GARIN5A: variants seen among roughly 807,000 people sequenced by gnomAD.
The protein encoded by GARIN5A is Golgi-associated RAB2 interactor protein 5A.
the GARIN5A span, among the ~76,000 whole-genome samples, chr19:50,469,553 CTCAGT>C: frequency 6.6e-6 from 1 of 152,168 alleles, no homozygotes; most frequent in Admixed American, 6.5e-5. Context: ...GTGGCAGGTG[CTCAGT>C]GGATGCTTCA....
chr19:50,475,788 G>T, the GARIN5A span: 1 of 1,405,820 alleles, frequency 7.1e-7, no homozygotes, highest in Non-Finnish European at 1.0e-6. Flanking sequence ...AGGAGGTCGA[G>T]GGGCAGGCCG....
chr19:50,472,576 C>G, the GARIN5A span, among the ~76,000 whole-genome samples: 2 of 152,018 alleles, frequency 1.3e-5, no homozygotes, highest in African/African-American at 4.8e-5. Flanking sequence ...GTGATGAGAT[C>G]AATTGGTGAA....
chr19:50,476,473 G>A, the GARIN5A span: 6 of 1,576,370 alleles, frequency 3.8e-6, no homozygotes, highest in Non-Finnish European at 5.1e-6. Flanking sequence ...GTCAGGATGC[G>A]GCCTGTTCCT....
chr19:50,475,933 G>A, the GARIN5A span: 2 of 1,612,918 alleles, frequency 1.2e-6, no homozygotes, highest in Admixed American at 3.3e-5. Flanking sequence ...CGTGGGAGAG[G>A]CTGCAACCAG....
the GARIN5A span, among the ~76,000 whole-genome samples, chr19:50,470,298 G>C: frequency 6.6e-6 from 1 of 152,198 alleles, no homozygotes; most frequent in Non-Finnish European, 1.5e-5. Context: ...CGGATCACCT[G>C]AAGTCAGGAG....
chr19:50,472,918 C>T, the GARIN5A span, among the ~76,000 whole-genome samples: 1 of 152,120 alleles, frequency 6.6e-6, no homozygotes, highest in African/African-American at 2.4e-5. Flanking sequence ...CACAGTGGCT[C>T]ATGCCTGTAA....
the GARIN5A span, among the ~76,000 whole-genome samples, chr19:50,471,864 G>A: frequency 6.6e-6 from 1 of 151,700 alleles, no homozygotes; most frequent in East Asian, 1.9e-4. Context: ...ACATACATGT[G>A]TATATGTATG....
the GARIN5A span, chr19:50,475,226 T>C: frequency 2.1e-6 from 3 of 1,455,694 alleles, no homozygotes; most frequent in Non-Finnish European, 2.7e-6. Flanking sequence ...TGCCAGCTCC[T>C]GGCCCTGGGG....
the GARIN5A span, among the ~76,000 whole-genome samples, chr19:50,472,004 G>A: frequency 2.0e-4 from 30 of 149,166 alleles, no homozygotes; most frequent in Non-Finnish European, 3.0e-4. Flanking sequence ...ATACGTGTAT[G>A]TATATATACG....
At chr19:50,467,959 T>A in the GARIN5A span, 2 of 761,214 alleles carry the variant, frequency 2.6e-6, no homozygotes, top group Non-Finnish European at 2.2e-6. Context: ...CATTGCCTCT[T>A]GAACTTGAGT....
At chr19:50,468,185 A>G in the GARIN5A span, among the ~76,000 whole-genome samples, 1 of 151,838 alleles carries the variant, frequency 6.6e-6, no homozygotes, top group Non-Finnish European at 1.5e-5. Flanking sequence ...ACATGGTGGA[A>G]CCCCATCTCT....
the GARIN5A span, chr19:50,476,527 T>A: frequency 6.4e-7 from 1 of 1,570,260 alleles, no homozygotes; most frequent in Non-Finnish European, 8.6e-7. Flanking sequence ...GTCCCTTCGC[T>A]GGTGGGAAGA....
At chr19:50,469,485 T>A in the GARIN5A span, among the ~76,000 whole-genome samples, 1 of 151,890 alleles carries the variant, frequency 6.6e-6, no homozygotes, top group Non-Finnish European at 1.5e-5. Flanking sequence ...GGGCAGGGAG[T>A]TCCTGGAGGC....
chr19:50,471,687 T>C, the GARIN5A span, among the ~76,000 whole-genome samples: 37 of 145,994 alleles, frequency 2.5e-4, no homozygotes, highest in Non-Finnish European at 4.4e-4. Flanking sequence ...CATGCACGTG[T>C]GTGTATACGC....
At chr19:50,467,836 G>A in the GARIN5A span, 1 of 1,612,218 alleles carries the variant, frequency 6.2e-7, no homozygotes. Context: ...CAGCCTGGGT[G>A]GGAGGAAGGG....
At chr19:50,471,893 T>C in the GARIN5A span, among the ~76,000 whole-genome samples, 3 of 151,164 alleles carry the variant, frequency 2.0e-5, no homozygotes, top group Non-Finnish European at 4.4e-5. Context: ...TGTGTATATG[T>C]ATGCATACAT....
chr19:50,476,708 G>C, the GARIN5A span: 1 of 1,189,172 alleles, frequency 8.4e-7, no homozygotes, highest in Non-Finnish European at 1.1e-6. Context: ...GGATGTCGCA[G>C]GTCTTGGGTC....
the GARIN5A span, chr19:50,467,710 C>CG: frequency 6.3e-7 from 1 of 1,598,138 alleles, no homozygotes; most frequent in South Asian, 1.1e-5. Context: ...CTCTCGGTCT[C>CG]GGGTCTTGAG....
the GARIN5A span, chr19:50,467,702 C>G: frequency 6.3e-7 from 1 of 1,595,274 alleles, no homozygotes; most frequent in Non-Finnish European, 8.5e-7. Context: ...TGGCCGAACT[C>G]TCGGTCTCGG....
Sources: allele counts gnomAD v4.1 joint callset (sites outside exome capture counted in the v4.1 genomes callset), GRCh38; gene constraint gnomAD v4.1.1; transcripts MANE v1.5; gene names NCBI Gene and HGNC (gene_info 2026-07-23, HGNC 2026-07-21).